NALCN: variants seen among roughly 807,000 people sequenced by gnomAD.
NALCN encodes sodium leak channel, non-selective.
Under a neutral mutation model 225.3 loss-of-function variants are expected in NALCN, and 111 were observed. The ratio of observed to expected loss-of-function variants is 0.49; its 90% CI spans 0.42 to 0.58. The LOEUF is 0.58. Ranked by LOEUF, NALCN falls within the 20% of genes least tolerant of loss-of-function variation. The pLI is 0.00. For missense variants in NALCN, 1,378 were observed against 2,202.4 expected, an observed-to-expected ratio of 0.63 and a Z score of 7.49; for synonymous variants, 764 against 769.0, an observed-to-expected ratio of 0.99 and a Z score of 0.11.
chr13:101,409,927 T>C (rs1416231644), intron 1 of NALCN, among the ~76,000 whole-genome samples: 1 of 152,148 alleles, frequency 6.6e-6, no homozygotes, highest in African/African-American at 2.4e-5. Context: ...TCTAATGTAT[T>C]TGGAGGTGGG....
intron 13 of NALCN, among the ~76,000 whole-genome samples, chr13:101,202,385 A>G (rs898457582): frequency 6.6e-6 from 1 of 152,196 alleles, no homozygotes; most frequent in African/African-American, 2.4e-5. Flanking sequence ...AGAAGCCACA[A>G]CTTACTATGG....
intron 15 of NALCN, among the ~76,000 whole-genome samples, chr13:101,169,435 G>T (rs1240787980): frequency 6.6e-6 from 1 of 152,186 alleles, no homozygotes; most frequent in African/African-American, 2.4e-5. Context: ...TGCCATGGTG[G>T]TTTGCTGCAT....
intron 3 of NALCN, among the ~76,000 whole-genome samples, chr13:101,388,189 A>C (rs1205241127): frequency 1.3e-5 from 2 of 152,182 alleles, no homozygotes; most frequent in South Asian, 2.1e-4. Context: ...AGCTTGGTTC[A>C]GGATAAACAG....
chr13:101,172,374 A>G (rs2095322497), intron 15 of NALCN, among the ~76,000 whole-genome samples: 1 of 152,026 alleles, frequency 6.6e-6, no homozygotes, highest in Admixed American at 6.6e-5. Context: ...TCTTTATTTC[A>G]TATCTGGTGT....
At chr13:101,125,404 AAAT>A (rs1177066213) in intron 17 of NALCN, among the ~76,000 whole-genome samples, 5 of 152,204 alleles carry the variant, frequency 3.3e-5, no homozygotes, top group Admixed American at 6.5e-5. Context: ...AATAAATAAT[AAAT>A]AACAGGAAAG....
rs1269384288 is a variant in NALCN at position 101,055,460 on chromosome 13, G to C, written c.5052C>G (p.Ser1684=). The change falls in exon 44 of 44, where the codon TCC becomes TCG. Residue 1684 remains serine (S), a synonymous_variant. Coordinates refer to ENST00000251127, the MANE Select transcript of NALCN (RefSeq NM_052867.4). ...SAPKPISHSV[S]SVNLRFGGRT... ...TTCCTCCAAACCGTAAGTTGACTGA[G>C]GACACTGAATGGCTTATTGGTTTTG... is the stretch of plus-strand genomic sequence containing the variant. 6.2e-7 allele frequency: 1 copy of C among 1,614,074 alleles called. No individual in the cohort carries two copies. The highest frequency in any genetic ancestry group is 1.7e-5 in the Admixed American group (1 of 60,012).
intron 10 of NALCN, among the ~76,000 whole-genome samples, chr13:101,268,179 T>C (rs1429975005): frequency 1.3e-5 from 2 of 152,212 alleles, no homozygotes; most frequent in Non-Finnish European, 2.9e-5. Context: ...GACATGTATG[T>C]ATGTATATGC....
chr13:101,344,114 C>T (rs1296289258), intron 7 of NALCN, among the ~76,000 whole-genome samples: 3 of 152,138 alleles, frequency 2.0e-5, no homozygotes, highest in Non-Finnish European at 4.4e-5. Context: ...CATCTCGCCT[C>T]CCATACCACA....
rs1486989329 is a variant in NALCN at position 101,416,489 on chromosome 13, C to A, written c.-216G>T. 6.6e-6 allele frequency: 1 copy of A among 151,798 alleles called. No homozygotes were observed. The highest frequency in any genetic ancestry group is 2.1e-4 in the South Asian group (1 of 4,830). 9.4% of individuals were successfully genotyped at this position (151,798 alleles called of 1,614,324 possible). A position where few individuals can be genotyped will look rare whatever the true frequency, so the allele number is the denominator to read the frequency against. On this transcript the variant is annotated 5_prime_UTR_variant, in exon 1 of 44. Coordinates refer to ENST00000251127, the MANE Select transcript of NALCN (RefSeq NM_052867.4). ...TCGGCCCGGCTGGGGCCGCGGCTCA[C>A]GCTCGCCGTGTCACTCACTGAGCGC...
At chr13:101,192,230 G>A (rs2039711039) in intron 13 of NALCN, among the ~76,000 whole-genome samples, 176 bp from the exon 14 acceptor site, 1 of 152,132 alleles carries the variant, frequency 6.6e-6, no homozygotes, top group African/African-American at 2.4e-5. Context: ...TCTTAAAAAT[G>A]TGATATTTAA....
chr13:101,295,595 G>A (rs761296597), intron 7 of NALCN, among the ~76,000 whole-genome samples: 1 of 151,592 alleles, frequency 6.6e-6, no homozygotes, highest in Non-Finnish European at 1.5e-5. Flanking sequence ...TTTCTAATTG[G>A]ACAAAGGAAA....
chr13:101,391,642 C>A (rs571794980), intron 3 of NALCN, among the ~76,000 whole-genome samples: 1 of 151,082 alleles, frequency 6.6e-6, no homozygotes, highest in East Asian at 2.0e-4. Context: ...ATGATCACAC[C>A]ACTACACTCC....
At chr13:101,207,787 C>A (rs765885173) in intron 13 of NALCN, among the ~76,000 whole-genome samples, 5 of 152,218 alleles carry the variant, frequency 3.3e-5, no homozygotes, top group Non-Finnish European at 7.3e-5. Flanking sequence ...CCACCCAAGC[C>A]AGCAGCAGCA....
rs2032309956 is a variant in NALCN, at chr13:101,065,578, A to G, written c.4447-17T>C. The G allele has an allele frequency of 2.5e-6, 4 of 1,611,400 alleles. No homozygotes were observed. In the East Asian group the frequency reaches 8.9e-5, roughly 36 times the overall value. ...GATCACCCCCTGCGGGGCAGAGCAC[A>G]AGAAGTAGCAAATCATCAGGCCTCG... On this transcript the variant is annotated splice_polypyrimidine_tract_variant and intron_variant, in intron 39 of 43. Transcript: ENST00000251127.
At chr13:101,265,859 T>C (rs1391618246) in intron 10 of NALCN, among the ~76,000 whole-genome samples, 4 of 152,142 alleles carry the variant, frequency 2.6e-5, no homozygotes, top group Non-Finnish European at 5.9e-5. Flanking sequence ...CATTGCTCTA[T>C]ATATTAAAAA....
chr13:101,104,632 G>A lies in NALCN; in HGVS notation c.2655C>T (p.Val885=). 6.2e-7 allele frequency: 1 copy of A among 1,613,860 alleles called. No homozygotes were observed. Among genetic ancestry groups the A allele is most frequent in the Non-Finnish European group, 8.5e-7 (1 of 1,179,874 alleles). ...YHQLYDLLGL[V]TYLDWVMIIV... is the part of the protein sequence containing the mutation. The stretch of plus-strand genomic sequence containing the variant: ...TGATCATGACCCAGTCCAGGTAAGT[G>A]ACCAATCCCAGCAAATCACTGCCAA... Residue 885 remains valine (V), a synonymous_variant, in exon 24 of 44, where the codon GTC becomes GTT. Transcript: ENST00000251127. The surrounding 1 kb of genome is among the most constrained non-coding windows in gnomAD (Gnocchi z 4.2).
intron 9 of NALCN, among the ~76,000 whole-genome samples, chr13:101,289,830 T>C (rs970253210): frequency 4.6e-5 from 7 of 152,200 alleles, no homozygotes; most frequent in Non-Finnish European, 8.8e-5. Context: ...AATTTGGTCA[T>C]ATTTTACAAA....
intron 13 of NALCN, among the ~76,000 whole-genome samples, chr13:101,227,864 C>T (rs1255027119): frequency 6.6e-6 from 1 of 152,232 alleles, no homozygotes; most frequent in African/African-American, 2.4e-5. Context: ...GAAGGATTTG[C>T]TCACCTCAGA....
At chr13:101,357,307 T>G (rs2046093601) in intron 6 of NALCN, among the ~76,000 whole-genome samples, 5 of 152,138 alleles carry the variant, frequency 3.3e-5, no homozygotes, top group Admixed American at 2.0e-4. Flanking sequence ...GCCCGAAAAC[T>G]CCTTAACCTG....
Sources: allele counts gnomAD v4.1 joint callset (sites outside exome capture counted in the v4.1 genomes callset), GRCh38; gene constraint gnomAD v4.1.1; non-coding constraint Gnocchi (gnomAD v3.1); transcripts MANE v1.5; gene names NCBI Gene and HGNC (gene_info 2026-07-23, HGNC 2026-07-21).